WWC2: variants seen among roughly 807,000 people sequenced by gnomAD.
The protein encoded by WWC2 is WW and C2 domain containing 2.
WWC2 carries 101 observed loss-of-function variants against 138.5 expected under a neutral mutation model. That is an observed-to-expected ratio of 0.73 (90% CI 0.62 to 0.86). WWC2 has a LOEUF of 0.86. Among genes scored for constraint, WWC2 ranks in the 40% least tolerant of loss-of-function variants. WWC2 has a pLI of 0.00. For synonymous variants in WWC2, 558 were observed against 538.4 expected, an observed-to-expected ratio of 1.04 and a Z score of -0.50; for missense variants, 1,420 against 1,419.4, an observed-to-expected ratio of 1.00 and a Z score of -0.01.
intron 1 of WWC2, among the ~76,000 whole-genome samples, chr4:183,148,340 C>T (rs1333820148): frequency 6.6e-6 from 1 of 152,076 alleles, no homozygotes; most frequent in African/African-American, 2.4e-5. Flanking sequence ...CTTGTTTAAC[C>T]TTATTTAAAT....
At position 183,265,118 on chromosome 4, in the gene WWC2, A is replaced by C. The variant is rs778675567; in HGVS notation, c.2039+11A>C. The C allele has an allele frequency of 2.5e-5, 40 of 1,597,082 alleles. No homozygotes were observed. The East Asian group carries it at 9.0e-4, about 36-fold the overall frequency. On this transcript the variant is annotated intron_variant, in intron 12 of 22. Coordinates refer to ENST00000403733, the MANE Select transcript of WWC2 (RefSeq NM_024949.6). ...AGCTTTCGTGAAACAGTAAGGATTC[A>C]GCAGGGGCGCTTTTAGCTCCAGCGA...
intron 16 of WWC2, among the ~76,000 whole-genome samples, 170 bp downstream of exon 16, chr4:183,271,411 A>C (rs1188608097): frequency 6.6e-6 from 1 of 152,238 alleles, no homozygotes; most frequent in African/African-American, 2.4e-5. Flanking sequence ...TTCCTAAAAA[A>C]AAAGAAAGTT....
chr4:183,267,281 C>G (rs1737535502), intron 14 of WWC2, among the ~76,000 whole-genome samples: 1 of 152,106 alleles, frequency 6.6e-6, no homozygotes, highest in Admixed American at 6.5e-5. Flanking sequence ...TTAGTGAGAC[C>G]AGTGAGGAGA....
Position 183,320,467 on chromosome 4 carries a change from G to C in WWC2, c.*4738G>C, listed in dbSNP as rs547522538. ...GATTGTGTTTGTGTCCTGTGGGCTG[G>C]ATTTGACAGAAAGCAGTTTGTCACT... On this transcript the variant is annotated 3_prime_UTR_variant, in exon 23 of 23. Transcript: ENST00000403733. 1 of 505,738 alleles carries C rather than the reference G, an allele frequency of 2.0e-6. No homozygotes were observed. The allele number at this position is 505,738 out of a possible 1,614,324, so 31.3% of individuals were successfully genotyped here.
chr4:183,165,497 G>A (rs1309484638), intron 1 of WWC2, among the ~76,000 whole-genome samples: 4 of 152,128 alleles, frequency 2.6e-5, no homozygotes, highest in African/African-American at 9.7e-5. Context: ...AGTAACTAAT[G>A]TTTAATTTTT....
At chr4:183,311,640 C>T (rs988576718) in intron 21 of WWC2, among the ~76,000 whole-genome samples, 7 of 144,598 alleles carry the variant, frequency 4.8e-5, no homozygotes, top group African/African-American at 1.3e-4. Context: ...TGTTCAGTGG[C>T]GCGATCTCGG....
chr4:183,260,152 G>A (rs1296511301), intron 10 of WWC2, among the ~76,000 whole-genome samples: 1 of 151,956 alleles, frequency 6.6e-6, no homozygotes, highest in Non-Finnish European at 1.5e-5. Flanking sequence ...CTTTTTATAA[G>A]CTTGCCTTCT....
At chr4:183,119,469 G>A (rs1464530584) in intron 1 of WWC2, among the ~76,000 whole-genome samples, 1 of 152,154 alleles carries the variant, frequency 6.6e-6, no homozygotes, top group Admixed American at 6.5e-5. Flanking sequence ...CCTTTACACA[G>A]TTAGCAAGAA....
At chr4:183,239,726 G>A (rs1736556559) in intron 4 of WWC2, among the ~76,000 whole-genome samples, 1 of 152,150 alleles carries the variant, frequency 6.6e-6, no homozygotes, top group African/African-American at 2.4e-5. Flanking sequence ...TAACATTTCA[G>A]CTAGCATTGG....
At chr4:183,288,351 C>T (rs1002051283) in intron 20 of WWC2, among the ~76,000 whole-genome samples, 10 of 152,026 alleles carry the variant, frequency 6.6e-5, no homozygotes, top group Admixed American at 5.2e-4. Context: ...AGTCCCTCCT[C>T]GCTCATATCA....
chr4:183,269,304 AT>A, intron 15 of WWC2, 141 bp downstream of exon 15: 1 of 840,642 alleles, frequency 1.2e-6, no homozygotes, highest in Non-Finnish European at 1.9e-6. Flanking sequence ...GTGTTTGTTC[AT>A]TTTTTTCTGA....
intron 4 of WWC2, among the ~76,000 whole-genome samples, chr4:183,212,573 T>G (rs1240723325): frequency 2.0e-5 from 3 of 152,216 alleles, no homozygotes; most frequent in African/African-American, 7.2e-5. Flanking sequence ...ATTACTTCCC[T>G]CTGAAATTTT....
intron 11 of WWC2, among the ~76,000 whole-genome samples, chr4:183,264,757 A>G (rs958836734): frequency 2.6e-4 from 39 of 152,234 alleles, no homozygotes; most frequent in Non-Finnish European, 3.8e-4. Context: ...AAGAAAAACC[A>G]TATTCTCTTC....
At chr4:183,201,615 C>G (rs1024686857) in intron 2 of WWC2, among the ~76,000 whole-genome samples, 2 of 152,238 alleles carry the variant, frequency 1.3e-5, no homozygotes, top group African/African-American at 2.4e-5. Flanking sequence ...CAGATGCCCT[C>G]TGACTTATTA....
At chr4:183,129,004 T>G (rs1484946697) in intron 1 of WWC2, among the ~76,000 whole-genome samples, 1 of 152,214 alleles carries the variant, frequency 6.6e-6, no homozygotes, top group Admixed American at 6.5e-5. Flanking sequence ...GGGAAAGGAC[T>G]TAAGAGTTTT....
At chr4:183,212,389 A>C (rs2111248030) in intron 4 of WWC2, among the ~76,000 whole-genome samples, 1 of 152,188 alleles carries the variant, frequency 6.6e-6, no homozygotes, top group East Asian at 1.9e-4. Context: ...CTGTTCTTGC[A>C]ATGGTTTGTC....
chr4:183,299,021 T>C (rs1383494412), intron 21 of WWC2, among the ~76,000 whole-genome samples: 3 of 152,182 alleles, frequency 2.0e-5, no homozygotes, highest in African/African-American at 7.2e-5. Context: ...TTTGTGCTGC[T>C]ATAACAAAAT....
At chr4:183,237,158 T>C (rs1460447640) in intron 4 of WWC2, among the ~76,000 whole-genome samples, 8 of 152,236 alleles carry the variant, frequency 5.3e-5, no homozygotes, top group African/African-American at 1.9e-4. Context: ...TTTATAGTTT[T>C]CATTGTAGAA....
intron 4 of WWC2, among the ~76,000 whole-genome samples, chr4:183,224,111 C>T (rs772007415): frequency 2.1e-4 from 32 of 152,136 alleles, no homozygotes; most frequent in African/African-American, 4.3e-4. Flanking sequence ...TAGAATTCCT[C>T]GCTGTCTGAT....
Sources: allele counts gnomAD v4.1 joint callset (sites outside exome capture counted in the v4.1 genomes callset), GRCh38; gene constraint gnomAD v4.1.1; transcripts MANE v1.5; gene names NCBI Gene and HGNC (gene_info 2026-07-23, HGNC 2026-07-21).